Variants in TBC1D25 observed in about 807,000 individuals in gnomAD.
TBC1D25 encodes 5SN3 snoRNA.
A neutral mutation model predicts 38.8 loss-of-function variants in TBC1D25; 13 were observed. The ratio of observed to expected loss-of-function variants is 0.34; its 90% CI spans 0.22 to 0.53. The LOEUF is 0.53. TBC1D25 is among the 20% of genes least tolerant of loss of function. TBC1D25 has a pLI of 0.94. For synonymous variants in TBC1D25, 225 were observed against 255.6 expected, an observed-to-expected ratio of 0.88 and a Z score of 1.14; for missense variants, 372 against 600.0, an observed-to-expected ratio of 0.62 and a Z score of 3.97.
chrX:48,539,808 C>T lies in TBC1D25; in HGVS notation c.11C>T (p.Ala4Val). Residue 4 changes from alanine (A) to valine (V), a missense_variant, in exon 1 of 6, where the codon GCC (alanine) becomes GTC (valine). By Grantham distance (64) the Ala-to-Val change is moderately conservative. Transcript: ENST00000376771. MAT[A>V]SGASDLSGSG... is the part of the protein sequence containing the mutation. ...ACGGGCGGCGGCGGGATGGCAACAG[C>T]CTCCGGGGCCTCGGACTTGTCTGGC... 1 of 963,539 alleles carries T rather than the reference C, an allele frequency of 1.0e-6. No homozygotes were observed. The highest frequency in any genetic ancestry group is 1.3e-6 in the Non-Finnish European group (1 of 767,406). 79.4% of individuals were successfully genotyped at this position (963,539 alleles called of 1,213,427 possible).
chrX:48,561,008 C>T lies in TBC1D25; in HGVS notation c.*33C>T. The T allele has an allele frequency of 8.7e-7, 1 of 1,152,193 alleles. No homozygotes were observed. Among genetic ancestry groups the T allele is most frequent in the Non-Finnish European group, 1.2e-6 (1 of 868,479 alleles). 95.0% of individuals were successfully genotyped at this position (1,152,193 alleles called of 1,213,427 possible). On this transcript the variant is annotated 3_prime_UTR_variant, in exon 6 of 6. Coordinates refer to ENST00000376771, the MANE Select transcript of TBC1D25 (RefSeq NM_002536.4). ...TTCTCAAGCCCTCCATCGGCCCCACCAGATCTCCATTCTTTGCCATGAGGG... is the reference window on the plus strand; with the variant it reads ...TTCTCAAGCCCTCCATCGGCCCCACTAGATCTCCATTCTTTGCCATGAGGG...
intron 2 of TBC1D25, among the ~76,000 whole-genome samples, chrX:48,543,394 G>T (rs899928176): frequency 1.9e-5 from 2 of 107,234 alleles, no homozygotes; most frequent in Admixed American, 1.0e-4. Flanking sequence ...GCGCCACCAT[G>T]CCCGGCTAAT....
chrX:48,548,042 T>G (rs1276244108), intron 3 of TBC1D25, among the ~76,000 whole-genome samples: 2 of 111,062 alleles, frequency 1.8e-5, no homozygotes, highest in East Asian at 5.6e-4. Flanking sequence ...TTTATTAAAT[T>G]ATAAGCCAAT....
At chrX:48,557,099 C>T (rs1384709768) in intron 3 of TBC1D25, among the ~76,000 whole-genome samples, 3 of 108,570 alleles carry the variant, frequency 2.8e-5, no homozygotes, top group Non-Finnish European at 3.8e-5. Flanking sequence ...TGGTGGCACA[C>T]GCCTGTAAGC....
intron 3 of TBC1D25, among the ~76,000 whole-genome samples, chrX:48,546,659 A>G (rs2061889416): frequency 1.8e-5 from 2 of 112,464 alleles, no homozygotes; most frequent in Admixed American, 9.5e-5. Context: ...ATTTGGAAGG[A>G]CACATTCAAA....
intron 2 of TBC1D25, among the ~76,000 whole-genome samples, chrX:48,543,073 ACATAG>A (rs1326805150): frequency 1.8e-5 from 2 of 110,958 alleles, no homozygotes; most frequent in African/African-American, 6.6e-5. Flanking sequence ...ATGAAAAAAA[ACATAG>A]TATATATAGG....
At chrX:48,556,695 G>A (rs1290266826) in intron 3 of TBC1D25, among the ~76,000 whole-genome samples, 2 of 100,854 alleles carry the variant, frequency 2.0e-5, no homozygotes, top group African/African-American at 3.7e-5. Flanking sequence ...TGCAGTGAGC[G>A]AGGATCACAC....
intron 1 of TBC1D25, 116 bp downstream of exon 1, chrX:48,540,036 A>G: frequency 1.1e-6 from 1 of 895,966 alleles, no homozygotes; most frequent in Non-Finnish European, 1.4e-6. Context: ...TGAGCGGCGA[A>G]GCTTGAGGGC....
intron 3 of TBC1D25, among the ~76,000 whole-genome samples, chrX:48,546,590 C>A (rs1270682980): frequency 8.9e-6 from 1 of 111,878 alleles, no homozygotes; most frequent in Non-Finnish European, 1.9e-5. Context: ...ACTTAATCAC[C>A]TCTTAAAGGC....
intron 1 of TBC1D25, 28 bp downstream of exon 1, chrX:48,539,948 C>A (rs781904737): frequency 3.0e-5 from 28 of 943,876 alleles, no homozygotes; most frequent in Non-Finnish European, 3.4e-5. Context: ...TCGGCCCAGC[C>A]GCCGAGGCAT....
At chrX:48,547,869 C>A (rs1214691706) in intron 3 of TBC1D25, among the ~76,000 whole-genome samples, 1 of 98,265 alleles carries the variant, frequency 1.0e-5, no homozygotes, top group African/African-American at 3.8e-5. Context: ...GCCTGGGAGG[C>A]GGAGGTTGCA....
chrX:48,559,483 G>A (rs1223377312), intron 5 of TBC1D25, 131 bp from the exon 6 acceptor site: 23 of 1,063,970 alleles, frequency 2.2e-5, no homozygotes, highest in African/African-American at 1.3e-4. Flanking sequence ...AAGGAGGGGC[G>A]AGCAGTCGGA....
chrX:48,541,223 T>C, intron 1 of TBC1D25, 110 bp from the exon 2 acceptor site: 1 of 653,246 alleles, frequency 1.5e-6, no homozygotes, highest in South Asian at 2.2e-5. Context: ...AACACCTGCC[T>C]TGATCTGGCC....
intron 3 of TBC1D25, among the ~76,000 whole-genome samples, chrX:48,546,991 G>A (rs985308782): frequency 1.8e-5 from 2 of 111,812 alleles, no homozygotes; most frequent in Admixed American, 9.6e-5. Context: ...GGGATGAGTC[G>A]AGCACTTTAT....
At chrX:48,545,641 G>A (rs2061877293) in intron 3 of TBC1D25, among the ~76,000 whole-genome samples, 1 of 111,852 alleles carries the variant, frequency 8.9e-6, no homozygotes, top group South Asian at 3.7e-4. Context: ...AAATTAGGAC[G>A]TGGTCTCAAA....
chrX:48,543,833 G>A (rs1000597228), intron 2 of TBC1D25, among the ~76,000 whole-genome samples: 2 of 103,442 alleles, frequency 1.9e-5, no homozygotes, highest in East Asian at 3.1e-4. Context: ...GCAGCGAGCC[G>A]AGATCGCACC....
At chrX:48,547,705 G>A (rs2061897693) in intron 3 of TBC1D25, among the ~76,000 whole-genome samples, 1 of 111,935 alleles carries the variant, frequency 8.9e-6, no homozygotes, top group Middle Eastern at 4.6e-3. Context: ...GGGAGGCCGA[G>A]GCGGGTGGAT....
intron 3 of TBC1D25, among the ~76,000 whole-genome samples, chrX:48,553,616 CTTT>C (rs1209605714): frequency 3.8e-5 from 2 of 53,295 alleles, no homozygotes; most frequent in African/African-American, 1.7e-4. Context: ...TTTTCTTTTT[CTTT>C]TTTTTTTTTT....
intron 3 of TBC1D25, among the ~76,000 whole-genome samples, chrX:48,550,122 G>A (rs2061918124): frequency 9.1e-6 from 1 of 110,390 alleles, no homozygotes; most frequent in Non-Finnish European, 1.9e-5. Context: ...AAATAGCTGG[G>A]ATTACAGGTG....
Sources: gnomAD v4.1 joint callset for allele counts (sites outside exome capture counted in the v4.1 genomes callset) on GRCh38, gnomAD v4.1.1 for gene constraint, MANE v1.5 for transcripts, NCBI Gene and HGNC (gene_info 2026-07-23, HGNC 2026-07-21) for gene names.